The following ASTN2 variants were observed in gnomAD, a reference collection of about 807,000 sequenced individuals.
ASTN2 encodes the protein astrotactin-2.
A neutral mutation model predicts 139.8 loss-of-function variants in ASTN2; 54 were observed. The observed-to-expected ratio is 0.39, with a 90% confidence interval of 0.31 to 0.48. The LOEUF (loss-of-function observed/expected upper bound fraction) is 0.48, where lower values mean the gene tolerates loss of function less well. Among genes scored for constraint, ASTN2 ranks in the 20% least tolerant of loss-of-function variants. The pLI is 0.95. For synonymous variants in ASTN2, 756 were observed against 719.5 expected, an observed-to-expected ratio of 1.05 and a Z score of -0.81; for missense variants, 1,565 against 1,725.1, an observed-to-expected ratio of 0.91 and a Z score of 1.64.
chr9:116,675,542 G>C (rs746046534), intron 16 of ASTN2, among the ~76,000 whole-genome samples: 32 of 152,132 alleles, frequency 2.1e-4, no homozygotes, highest in Non-Finnish European at 4.6e-4. Context: ...TCATTCAGGA[G>C]GATTTCGAGG....
At chr9:116,746,304 T>G (rs1440958769) in intron 13 of ASTN2, among the ~76,000 whole-genome samples, 1 of 152,016 alleles carries the variant, frequency 6.6e-6, no homozygotes, top group East Asian at 1.9e-4. Context: ...GTCAGGCTGG[T>G]CTCAAACTCC....
chr9:117,130,921 A>T (rs1395345360), intron 4 of ASTN2, among the ~76,000 whole-genome samples: 1 of 152,226 alleles, frequency 6.6e-6, no homozygotes, highest in Non-Finnish European at 1.5e-5. Context: ...GCTTGAAAAC[A>T]TCTGCTAACG....
At chr9:117,037,777 C>T (rs2132644605) in intron 6 of ASTN2, among the ~76,000 whole-genome samples, 1 of 152,216 alleles carries the variant, frequency 6.6e-6, no homozygotes, top group South Asian at 2.1e-4. Flanking sequence ...TTTTTTCCAC[C>T]TCAGTGTTCA....
intron 16 of ASTN2, among the ~76,000 whole-genome samples, chr9:116,723,511 A>G (rs980600781): frequency 6.6e-6 from 1 of 152,188 alleles, no homozygotes; most frequent in Non-Finnish European, 1.5e-5. Flanking sequence ...CCACCGAGTT[A>G]TCAGCCTCCA....
chr9:116,952,820 G>C (rs1835603434), intron 10 of ASTN2, among the ~76,000 whole-genome samples: 1 of 152,178 alleles, frequency 6.6e-6, no homozygotes, highest in Non-Finnish European at 1.5e-5. Context: ...TTTGATTACA[G>C]CCTTTGAGGA....
chr9:117,191,439 A>G (rs1219918241), intron 3 of ASTN2, among the ~76,000 whole-genome samples: 1 of 152,234 alleles, frequency 6.6e-6, no homozygotes, highest in East Asian at 1.9e-4. Context: ...AATGGGGCAT[A>G]CAAAAAATTG....
intron 19 of ASTN2, among the ~76,000 whole-genome samples, chr9:116,495,918 C>G (rs918992663): frequency 1.6e-4 from 25 of 152,152 alleles, no homozygotes; most frequent in African/African-American, 5.3e-4. Flanking sequence ...CGCATTCCAG[C>G]CATGCAGACA....
At chr9:117,058,104 T>C (rs1839117173) in intron 5 of ASTN2, among the ~76,000 whole-genome samples, 2 of 152,332 alleles carry the variant, frequency 1.3e-5, no homozygotes, top group East Asian at 3.9e-4. Context: ...TTACTCCACG[T>C]TCCTCAGGGG....
At chr9:117,326,985 A>G (rs1037830980) in intron 1 of ASTN2, among the ~76,000 whole-genome samples, 3 of 152,200 alleles carry the variant, frequency 2.0e-5, no homozygotes, top group African/African-American at 7.2e-5. Flanking sequence ...GTTTCATGAA[A>G]GACAATTTTT....
intron 20 of ASTN2, among the ~76,000 whole-genome samples, chr9:116,463,630 T>C (rs34140540): frequency 0.12 from 18,265 of 152,224 alleles, 1,457 homozygotes; most frequent in Non-Finnish European, 0.18. Flanking sequence ...CTCTGACAGT[T>C]GAATTAAACT....
At chr9:117,147,373 T>C (rs1272473575) in intron 3 of ASTN2, among the ~76,000 whole-genome samples, 1 of 151,106 alleles carries the variant, frequency 6.6e-6, no homozygotes, top group African/African-American at 2.4e-5. Context: ...GAGGTGGAGG[T>C]TGCAGTGAGC....
intron 13 of ASTN2, among the ~76,000 whole-genome samples, chr9:116,803,522 A>ATTTTTT (rs1158429877): frequency 4.3e-4 from 9 of 21,140 alleles, no homozygotes; most frequent in Non-Finnish European, 4.8e-4. Context: ...ATATATATAT[A>ATTTTTT]TTTTTTTTTT....
chr9:117,394,002 G>A (rs1000860729), intron 1 of ASTN2, among the ~76,000 whole-genome samples: 3 of 152,314 alleles, frequency 2.0e-5, no homozygotes, highest in South Asian at 4.1e-4. Flanking sequence ...CAGACTTTGC[G>A]AATGCAAGCT....
intron 16 of ASTN2, among the ~76,000 whole-genome samples, chr9:116,718,027 T>G (rs1389750810): frequency 6.6e-6 from 1 of 152,222 alleles, no homozygotes; most frequent in Non-Finnish European, 1.5e-5. Flanking sequence ...ACAGAGCTTA[T>G]AGTGCAGCAA....
At chr9:116,853,327 T>C (rs985697376) in intron 11 of ASTN2, among the ~76,000 whole-genome samples, 4 of 152,182 alleles carry the variant, frequency 2.6e-5, no homozygotes, top group Admixed American at 1.3e-4. Flanking sequence ...GAAAATACCT[T>C]ATGAATGCAA....
intron 2 of ASTN2, among the ~76,000 whole-genome samples, chr9:117,249,632 G>A (rs1833481389): frequency 6.6e-6 from 1 of 151,482 alleles, no homozygotes; most frequent in Admixed American, 6.6e-5. Flanking sequence ...CCCTGGTCTT[G>A]AGGCACCCCC....
intron 20 of ASTN2, among the ~76,000 whole-genome samples, chr9:116,444,993 T>C (rs985981244): frequency 6.6e-6 from 1 of 152,190 alleles, no homozygotes; most frequent in African/African-American, 2.4e-5. Context: ...GGCAACATTA[T>C]GTAAGCACTT....
intron 16 of ASTN2, among the ~76,000 whole-genome samples, chr9:116,656,737 G>A (rs1019176311): frequency 6.7e-6 from 1 of 150,090 alleles, no homozygotes; most frequent in Non-Finnish European, 1.5e-5. Flanking sequence ...TTGTTGGGAG[G>A]GCAGCCAGGG....
chr9:117,408,298 G>A (rs1407893104), intron 1 of ASTN2, among the ~76,000 whole-genome samples: 1 of 152,086 alleles, frequency 6.6e-6, no homozygotes, highest in East Asian at 1.9e-4. Context: ...CAAGACAATT[G>A]GGCTTAAATT....
Sources: allele counts gnomAD v4.1 joint callset (sites outside exome capture counted in the v4.1 genomes callset), GRCh38; gene constraint gnomAD v4.1.1; transcripts MANE v1.5; gene names NCBI Gene and HGNC (gene_info 2026-07-23, HGNC 2026-07-21).